The following ADGRD1 variants were observed in gnomAD, a reference collection of about 807,000 sequenced individuals.
The protein encoded by ADGRD1 is adhesion G protein-coupled receptor D1, also known as G-protein coupled receptor 133.
Under a neutral mutation model 113.4 loss-of-function variants are expected in ADGRD1, and 77 were observed. The ratio of observed to expected loss-of-function variants is 0.68; its 90% confidence interval spans 0.57 to 0.82. The LOEUF (loss-of-function observed/expected upper bound fraction) is 0.82. Ranked by LOEUF, ADGRD1 falls within the 40% of genes least tolerant of loss-of-function variation. The pLI, the probability that ADGRD1 is intolerant of heterozygous loss-of-function variation, is 0.00. For missense variants in ADGRD1, 1,036 were observed against 1,139.1 expected (o/e 0.91, Z 1.30); for synonymous variants, 474 against 475.0 (o/e 1.00, Z 0.03).
At chr12:131,095,806 C>T (rs936332313) in intron 15 of ADGRD1, among the ~76,000 whole-genome samples, 4 of 152,200 alleles carry the variant, frequency 2.6e-5, no homozygotes, top group East Asian at 3.9e-4. Context: ...TTTGAGAAGC[C>T]GCCAGCCCCC....
intron 13 of ADGRD1, among the ~76,000 whole-genome samples, chr12:131,045,228 C>T (rs1882565042): frequency 6.6e-6 from 1 of 152,256 alleles, no homozygotes. Flanking sequence ...CCCGCAGGAC[C>T]TGTGGGTCTC....
intron 18 of ADGRD1, among the ~76,000 whole-genome samples, chr12:131,110,461 C>A (rs943101688): frequency 1.6e-4 from 25 of 151,890 alleles, no homozygotes; most frequent in Admixed American, 3.3e-4. Flanking sequence ...AAGATATAAA[C>A]ATTATTTTTA....
chr12:131,140,475 A>G lies in ADGRD1; in HGVS notation c.*1212A>G, dbSNP rs1951216990. On this transcript the variant is annotated 3_prime_UTR_variant, in exon 25 of 25. Coordinates refer to ENST00000261654, the MANE Select transcript of ADGRD1 (RefSeq NM_198827.5). ...ACACAGGTTTGGGATCATAGATGTGAATTAAGACACCACCGAGATACGGGC... is the reference window on the plus strand; with the variant it reads ...ACACAGGTTTGGGATCATAGATGTGGATTAAGACACCACCGAGATACGGGC... The G allele has an allele frequency of 7.1e-6, 1 of 140,030 alleles. No individual in the cohort carries two copies. Among genetic ancestry groups the G allele is most frequent in the African/African-American group, 2.7e-5 (1 of 37,264 alleles). The allele number at this position is 140,030 out of a possible 1,614,324, so 8.7% of individuals were successfully genotyped here.
chr12:130,987,867 CAT>C (rs1415981915), intron 6 of ADGRD1: 1 of 173,278 alleles, frequency 5.8e-6, no homozygotes, highest in South Asian at 1.3e-4. Flanking sequence ...ATATCATAAA[CAT>C]AACCATTTAA....
chr12:131,032,655 A>G (rs181716924), intron 13 of ADGRD1, among the ~76,000 whole-genome samples: 18 of 152,308 alleles, frequency 1.2e-4, no homozygotes, highest in African/African-American at 3.8e-4. Flanking sequence ...TATGCTTATT[A>G]GAGAAATCAC....
At chr12:131,045,051 C>T (rs776034083) in intron 13 of ADGRD1, among the ~76,000 whole-genome samples, 11 of 152,248 alleles carry the variant, frequency 7.2e-5, no homozygotes, top group Non-Finnish European at 1.3e-4. Flanking sequence ...GCGTGTGCCA[C>T]GCAGTGGTGT....
intron 13 of ADGRD1, among the ~76,000 whole-genome samples, chr12:131,021,734 GTCTC>G (rs948709269): frequency 6.6e-6 from 1 of 152,034 alleles, no homozygotes; most frequent in African/African-American, 2.4e-5. Context: ...TTGAGACAGA[GTCTC>G]TCTCTCTTGC....
chr12:130,996,674 C>T (rs1266981953), intron 8 of ADGRD1, among the ~76,000 whole-genome samples: 3 of 101,086 alleles, frequency 3.0e-5, no homozygotes, highest in Admixed American at 8.7e-5. Context: ...CCCCCACCTC[C>T]CTCCCAGACG....
At chr12:131,009,968 G>A (rs911156422) in intron 12 of ADGRD1, among the ~76,000 whole-genome samples, 2 of 152,226 alleles carry the variant, frequency 1.3e-5, no homozygotes, top group East Asian at 3.9e-4. Flanking sequence ...AAGCTGCGGG[G>A]GCTCCTGGCA....
At chr12:131,004,073 C>A in intron 10 of ADGRD1, 113 bp from the exon 11 acceptor site, 1 of 643,998 alleles carries the variant, frequency 1.6e-6, no homozygotes, top group Non-Finnish European at 2.8e-6. Flanking sequence ...ATTATACTTC[C>A]CGTGGGGAGC....
At chr12:130,955,653 C>T (rs1395429302) in intron 2 of ADGRD1, among the ~76,000 whole-genome samples, 1 of 152,230 alleles carries the variant, frequency 6.6e-6, no homozygotes, top group Non-Finnish European at 1.5e-5. Flanking sequence ...TGCCTGAACC[C>T]CTGCTGGGAA....
chr12:131,056,612 C>T (rs571406475), intron 13 of ADGRD1, among the ~76,000 whole-genome samples: 1 of 152,256 alleles, frequency 6.6e-6, no homozygotes, highest in South Asian at 2.1e-4. Flanking sequence ...AACCAAGTGT[C>T]TGGAGAAAAA....
intron 5 of ADGRD1, chr12:130,986,890 C>T: frequency 1.8e-6 from 1 of 566,472 alleles, no homozygotes. Flanking sequence ...GAATTTAGGG[C>T]ATAAGGACAA....
Position 131,084,517 on chromosome 12 carries a change from G to A in ADGRD1, c.1548-23G>A. 6.2e-7 allele frequency: 1 copy of A among 1,613,810 alleles called. No homozygotes were observed. On this transcript the variant is annotated intron_variant, in intron 14 of 24. Transcript: ENST00000261654. This position sits in a 1 kb window ranked among gnomAD's most constrained non-coding sequence, Gnocchi z 4.5. ...CCAAGGGTGCGGTGCTACCTCCTCTGATCCTTTCTCCTGTGTCCTCAGCTC... is the reference window on the plus strand; with the variant it reads ...CCAAGGGTGCGGTGCTACCTCCTCTAATCCTTTCTCCTGTGTCCTCAGCTC...
At chr12:131,077,994 C>G (rs1166132758) in intron 14 of ADGRD1, among the ~76,000 whole-genome samples, 1 of 152,224 alleles carries the variant, frequency 6.6e-6, no homozygotes, top group Non-Finnish European at 1.5e-5. Context: ...AGTTCACACC[C>G]TGCCTAGTGG....
chr12:131,057,580 T>C lies in ADGRD1; in HGVS notation c.1474-19221T>C, dbSNP rs1257351950. On this transcript the variant is annotated intron_variant, in intron 13 of 24. Transcript: ENST00000261654. The surrounding 1 kb of genome is among the most constrained non-coding windows in gnomAD (Gnocchi z 4.2). The stretch of plus-strand genomic sequence containing the variant: ...CCTGGCCTGCGGCAGCCAACTCCAG[T>C]CTCTGCCCCGTCTCCCCACGGCCTC... Among the ~76,000 whole-genome samples, 1 of 152,136 alleles carries C rather than the reference T, an allele frequency of 6.6e-6. No homozygotes were observed. Among genetic ancestry groups the C allele is most frequent in the Non-Finnish European group, 1.5e-5 (1 of 68,020 alleles).
At chr12:131,017,934 ACT>A (rs1000655190) in intron 13 of ADGRD1, among the ~76,000 whole-genome samples, 1 of 151,904 alleles carries the variant, frequency 6.6e-6, no homozygotes, top group Non-Finnish European at 1.5e-5. Flanking sequence ...ACAGACACAC[ACT>A]CAGTACACAC....
chr12:131,000,313 G>A, intron 8 of ADGRD1, 70 bp from the exon 9 acceptor site: 6 of 1,196,192 alleles, frequency 5.0e-6, no homozygotes, highest in African/African-American at 1.5e-5. Flanking sequence ...AAGATGCGGG[G>A]AAAACTGAAG....
At chr12:131,114,113 G>A (rs956174772) in intron 18 of ADGRD1, among the ~76,000 whole-genome samples, 1 of 152,210 alleles carries the variant, frequency 6.6e-6, no homozygotes, top group Admixed American at 6.5e-5. Flanking sequence ...GGGGCTGTCT[G>A]TGTCGCCGAT....
Sources: allele counts gnomAD v4.1 joint callset (sites outside exome capture counted in the v4.1 genomes callset), GRCh38; gene constraint gnomAD v4.1.1; non-coding constraint Gnocchi (gnomAD v3.1); transcripts MANE v1.5; gene names NCBI Gene and HGNC (gene_info 2026-07-23, HGNC 2026-07-21).